The following PHACTR1 variants were observed in gnomAD, a reference collection of about 807,000 sequenced individuals.
The protein encoded by PHACTR1 is RPEL repeat containing 1.
PHACTR1 carries 16 observed loss-of-function variants against 69.2 expected under a neutral mutation model. The ratio of observed to expected loss-of-function variants is 0.23; its 90% CI spans 0.16 to 0.35. PHACTR1 has a LOEUF of 0.35. Among genes scored for constraint, PHACTR1 ranks in the 10% least tolerant of loss-of-function variants. The pLI, the probability that PHACTR1 is intolerant of heterozygous loss-of-function variation, is 1.00. For synonymous variants in PHACTR1, 312 were observed against 284.5 expected (o/e 1.10, Z -0.97); for missense variants, 510 against 734.7 (o/e 0.69, Z 3.54).
At chr6:13,001,399 A>G (rs1382517623) in intron 4 of PHACTR1, among the ~76,000 whole-genome samples, 1 of 152,198 alleles carries the variant, frequency 6.6e-6, no homozygotes, top group Non-Finnish European at 1.5e-5. Context: ...CAGAGGGTTC[A>G]AGTGCAGAGA....
chr6:12,797,040 T>TGAGAGA (rs1554140349), intron 4 of PHACTR1, among the ~76,000 whole-genome samples: 8 of 133,320 alleles, frequency 6.0e-5, no homozygotes, highest in African/African-American at 2.2e-4. Context: ...TGTGTGTGTG[T>TGAGAGA]GAGAGAGAGA....
chr6:13,260,212 C>T (rs984976557), intron 10 of PHACTR1, among the ~76,000 whole-genome samples: 2 of 152,178 alleles, frequency 1.3e-5, no homozygotes, highest in African/African-American at 4.8e-5. Flanking sequence ...TTCATGTACG[C>T]AGGTATCACC....
intron 8 of PHACTR1, among the ~76,000 whole-genome samples, chr6:13,206,890 G>A (rs996287346): frequency 6.6e-6 from 1 of 152,000 alleles, no homozygotes; most frequent in African/African-American, 2.4e-5. Context: ...TGGGGAGAAC[G>A]TGCAGACTCC....
At chr6:13,057,266 A>G (rs898472938) in intron 5 of PHACTR1, among the ~76,000 whole-genome samples, 1 of 152,166 alleles carries the variant, frequency 6.6e-6, no homozygotes, top group African/African-American at 2.4e-5. Flanking sequence ...AAATATATAC[A>G]ACTATTGTGT....
intron 4 of PHACTR1, among the ~76,000 whole-genome samples, chr6:12,999,284 T>C (rs748350658): frequency 6.6e-6 from 1 of 152,222 alleles, no homozygotes; most frequent in Non-Finnish European, 1.5e-5. Context: ...TAGGTTTACA[T>C]GAACCAACAT....
chr6:12,941,858 T>TCATTA (rs961654762), intron 4 of PHACTR1, among the ~76,000 whole-genome samples: 1 of 152,134 alleles, frequency 6.6e-6, no homozygotes. Context: ...AACTCAAAGG[T>TCATTA]CATTATATGG....
At chr6:12,818,765 G>C (rs906488442) in intron 4 of PHACTR1, among the ~76,000 whole-genome samples, 1 of 152,112 alleles carries the variant, frequency 6.6e-6, no homozygotes, top group Non-Finnish European at 1.5e-5. Flanking sequence ...CTGATTCTTG[G>C]CCTCTCACCC....
At chr6:12,823,006 A>G (rs1044214517) in intron 4 of PHACTR1, among the ~76,000 whole-genome samples, 125 of 152,176 alleles carry the variant, frequency 8.2e-4, no homozygotes, top group African/African-American at 2.9e-3. Flanking sequence ...AGCCTCATTA[A>G]TAGATTTACT....
Position 13,179,810 on chromosome 6 carries a change from T to C in PHACTR1, c.497-2709T>C, listed in dbSNP as rs1223556. On this transcript the variant is annotated intron_variant, in intron 6 of 14. Coordinates refer to ENST00000332995, the MANE Select transcript of PHACTR1 (RefSeq NM_030948.6). The surrounding 1 kb of genome is among the most constrained non-coding windows in gnomAD (Gnocchi z 4.2). Reference sequence around the variant, plus strand: ...GCCAAAAGCTAAAATATGTGTATGGTCTGTACATTTCTTCTAATTGTGTAA... The same window carrying C: ...GCCAAAAGCTAAAATATGTGTATGGCCTGTACATTTCTTCTAATTGTGTAA... Among the ~76,000 whole-genome samples, 23,872 of 152,130 alleles carry C rather than the reference T, an allele frequency of 0.16. 1,929 individuals are homozygous for C. The highest frequency in any genetic ancestry group is 0.23 in the East Asian group (1,196 of 5,174).
intron 14 of PHACTR1, 26 bp from the exon 15 acceptor site, chr6:13,287,037 C>G (rs951854876): frequency 6.2e-7 from 1 of 1,606,336 alleles, no homozygotes; most frequent in Non-Finnish European, 8.5e-7. Flanking sequence ...GCCCCTTGGT[C>G]TTGATGTAAT....
At chr6:12,796,935 T>A (rs1191682407) in intron 4 of PHACTR1, among the ~76,000 whole-genome samples, 1 of 151,952 alleles carries the variant, frequency 6.6e-6, no homozygotes, top group Non-Finnish European at 1.5e-5. Context: ...CTAACAAACT[T>A]GCTCAAGGAC....
At chr6:12,758,749 A>G in intron 4 of PHACTR1, among the ~76,000 whole-genome samples, 1 of 152,168 alleles carries the variant, frequency 6.6e-6, no homozygotes, top group East Asian at 1.9e-4. Context: ...TAGCTTTTCT[A>G]TGGGGTCACA....
At chr6:12,928,918 T>G (rs1433486510) in intron 4 of PHACTR1, among the ~76,000 whole-genome samples, 3 of 152,112 alleles carry the variant, frequency 2.0e-5, no homozygotes, top group Admixed American at 6.5e-5. Context: ...GCGAGGTGAT[T>G]CAGGAAAAAG....
At chr6:13,189,407 T>G (rs563058600) in intron 7 of PHACTR1, among the ~76,000 whole-genome samples, 79 of 152,230 alleles carry the variant, frequency 5.2e-4, no homozygotes, top group African/African-American at 1.9e-3. Context: ...CCTTTTTTTT[T>G]TCTTTTTTTG....
chr6:13,061,573 T>A (rs1007024233), intron 5 of PHACTR1, among the ~76,000 whole-genome samples: 1 of 152,098 alleles, frequency 6.6e-6, no homozygotes, highest in African/African-American at 2.4e-5. Flanking sequence ...AGATACAAAC[T>A]CAAACCATGG....
chr6:12,874,979 T>A (rs1298886595), intron 4 of PHACTR1, among the ~76,000 whole-genome samples: 9 of 152,216 alleles, frequency 5.9e-5, no homozygotes, highest in Admixed American at 5.9e-4. Flanking sequence ...TTGAATCATC[T>A]GGTATTCAAA....
chr6:12,916,829 C>T (rs1787066943), intron 4 of PHACTR1, among the ~76,000 whole-genome samples: 2 of 152,180 alleles, frequency 1.3e-5, no homozygotes, highest in Non-Finnish European at 2.9e-5. Context: ...CATTTGCTAA[C>T]TCAAAATGAT....
At chr6:13,141,930 T>C (rs1822551233) in intron 5 of PHACTR1, among the ~76,000 whole-genome samples, 2 of 152,136 alleles carry the variant, frequency 1.3e-5, no homozygotes, top group Non-Finnish European at 2.9e-5. Flanking sequence ...TTTTCCACAC[T>C]ATTTTTATCA....
chr6:13,177,054 T>C (rs1308391638), intron 6 of PHACTR1, among the ~76,000 whole-genome samples: 1 of 151,574 alleles, frequency 6.6e-6, no homozygotes, highest in African/African-American at 2.4e-5. Context: ...CATACAATAT[T>C]TTACCAGATA....
Sources: gnomAD v4.1 joint callset for allele counts (sites outside exome capture counted in the v4.1 genomes callset) on GRCh38, gnomAD v4.1.1 for gene constraint, Gnocchi (gnomAD v3.1) non-coding constraint, MANE v1.5 for transcripts, NCBI Gene and HGNC (gene_info 2026-07-23, HGNC 2026-07-21) for gene names.